Variants in DLG2 observed in about 807,000 individuals in gnomAD.
DLG2 encodes discs large MAGUK scaffold protein 2.
A neutral mutation model predicts 132.5 loss-of-function variants in DLG2; 45 were observed. The observed-to-expected ratio is 0.34, with a 90% CI of 0.27 to 0.44. The LOEUF (loss-of-function observed/expected upper bound fraction) is 0.44, where lower values mean the gene tolerates loss of function less well. DLG2 is among the 20% of genes least tolerant of loss of function. DLG2 has a pLI of 1.00. For missense variants in DLG2, 1,045 were observed against 1,196.9 expected (o/e 0.87, Z 1.87); for synonymous variants, 424 against 419.6 (o/e 1.01, Z -0.13).
At chr11:83,782,111 G>A (rs1044934613) in intron 18 of DLG2, among the ~76,000 whole-genome samples, 4 of 152,124 alleles carry the variant, frequency 2.6e-5, no homozygotes, top group African/African-American at 9.7e-5. Context: ...AAGGTTTTAT[G>A]ACTGAAAACC....
intron 6 of DLG2, among the ~76,000 whole-genome samples, chr11:84,797,506 G>A (rs1447208238): frequency 6.6e-6 from 1 of 152,112 alleles, no homozygotes; most frequent in African/African-American, 2.4e-5. Flanking sequence ...TTCTGCTGTT[G>A]AGATGCTGTG....
At position 85,045,857 on chromosome 11, in the gene DLG2, G is replaced by A. The variant is rs527780487; in HGVS notation, c.357+65804C>T. ...TTGGAAGAGAAGAATAACTTCTCTA[G>A]CGATGTCTGTTATTCTCTACAGGAT... On this transcript the variant is annotated intron_variant, in intron 6 of 27. Coordinates refer to ENST00000376104, the MANE Select transcript of DLG2 (RefSeq NM_001142699.3). Among the ~76,000 whole-genome samples the A allele has an allele frequency of 9.2e-5, 14 of 152,158 alleles. No individual in the cohort carries two copies. The East Asian group carries it at 2.7e-3, about 29-fold the overall frequency.
chr11:84,955,051 AT>A (rs1409752125), intron 6 of DLG2, among the ~76,000 whole-genome samples: 1 of 152,206 alleles, frequency 6.6e-6, no homozygotes, highest in Admixed American at 6.5e-5. Context: ...AATGATACAA[AT>A]TACTGTGTTT....
At chr11:84,982,313 A>G (rs939357469) in intron 6 of DLG2, among the ~76,000 whole-genome samples, 1 of 152,134 alleles carries the variant, frequency 6.6e-6, no homozygotes, top group Non-Finnish European at 1.5e-5. Flanking sequence ...CATGCCTAAT[A>G]CTAAACTCAT....
At chr11:83,668,867 A>ATT (rs10635194) in intron 18 of DLG2, among the ~76,000 whole-genome samples, 22,861 of 110,370 alleles carry the variant, frequency 0.21, 3,586 homozygotes, top group South Asian at 0.26. Flanking sequence ...ATATATATAT[A>ATT]TTTTTTTTTT....
At chr11:83,925,564 C>T (rs1032802335) in intron 15 of DLG2, among the ~76,000 whole-genome samples, 1 of 151,932 alleles carries the variant, frequency 6.6e-6, no homozygotes. Flanking sequence ...GAATCCCTAA[C>T]ATTAAGGATG....
intron 3 of DLG2, among the ~76,000 whole-genome samples, chr11:85,558,045 A>G (rs1243327502): frequency 6.6e-6 from 1 of 151,904 alleles, no homozygotes; most frequent in Non-Finnish European, 1.5e-5. Context: ...AGAAAATATT[A>G]GCAAACTATG....
chr11:85,447,274 G>C (rs1025622475), intron 3 of DLG2, among the ~76,000 whole-genome samples: 11 of 152,060 alleles, frequency 7.2e-5, no homozygotes, highest in African/African-American at 2.7e-4. Flanking sequence ...ATTTGTTATG[G>C]ACTGAATTGT....
intron 3 of DLG2, among the ~76,000 whole-genome samples, chr11:85,503,704 G>GGCTCCT: frequency 6.6e-6 from 1 of 152,038 alleles, no homozygotes; most frequent in Admixed American, 6.6e-5. Context: ...GCCTAAGGTG[G>GGCTCCT]GAGGACAGAT....
chr11:83,573,810 G>A lies in DLG2; in HGVS notation c.1941-31952C>T, dbSNP rs115261494. ...ACAGATAAGTTTGTCCCCCAATACA[G>A]GATAACTACATGTGGTTCAGTCCTG... On this transcript the variant is annotated intron_variant, in intron 19 of 27. Coordinates refer to ENST00000376104, the MANE Select transcript of DLG2 (RefSeq NM_001142699.3). Among the ~76,000 whole-genome samples the A allele has an allele frequency of 8.0e-3, 1,220 of 152,194 alleles. 24 individuals carry two copies. The highest frequency in any genetic ancestry group is 0.028 in the African/African-American group (1,152 of 41,530).
At chr11:85,426,878 A>C (rs1250838815) in intron 3 of DLG2, among the ~76,000 whole-genome samples, 3 of 151,980 alleles carry the variant, frequency 2.0e-5, no homozygotes, top group Non-Finnish European at 4.4e-5. Context: ...AAAAACCTTG[A>C]AAAAAAATTA....
chr11:84,024,648 T>C (rs1293908375), intron 11 of DLG2, among the ~76,000 whole-genome samples: 1 of 152,044 alleles, frequency 6.6e-6, no homozygotes, highest in Non-Finnish European at 1.5e-5. Flanking sequence ...GCAAAATAAG[T>C]CCAGCAAATA....
chr11:83,601,208 A>G (rs964363443), intron 19 of DLG2, among the ~76,000 whole-genome samples: 1 of 152,232 alleles, frequency 6.6e-6, no homozygotes, highest in Non-Finnish European at 1.5e-5. Context: ...CCTCATAATC[A>G]GGGGAAGTGG....
intron 6 of DLG2, among the ~76,000 whole-genome samples, chr11:84,669,629 C>T (rs1231216406): frequency 6.6e-6 from 1 of 152,228 alleles, no homozygotes; most frequent in South Asian, 2.1e-4. Flanking sequence ...TTCACCAAAC[C>T]CCTTTTTCCC....
chr11:83,852,242 G>A (rs531211266), intron 16 of DLG2, among the ~76,000 whole-genome samples: 50 of 152,316 alleles, frequency 3.3e-4, no homozygotes, highest in African/African-American at 1.1e-3. Context: ...GGCTACGTGA[G>A]CCAATGCACA....
intron 11 of DLG2, among the ~76,000 whole-genome samples, chr11:83,982,480 T>TAAAAAAA (rs58418988): frequency 8.8e-5 from 6 of 68,568 alleles, no homozygotes; most frequent in Middle Eastern, 0.013. Context: ...GTTTAACGTG[T>TAAAAAAA]AAAAAAAAAA....
chr11:85,371,534 T>G (rs1172057863), intron 3 of DLG2, among the ~76,000 whole-genome samples: 1 of 152,220 alleles, frequency 6.6e-6, no homozygotes, highest in African/African-American at 2.4e-5. Context: ...GAGAAAGTAG[T>G]TATTTTACCA....
intron 7 of DLG2, among the ~76,000 whole-genome samples, chr11:84,469,871 T>G (rs2099104253): frequency 6.6e-6 from 1 of 151,652 alleles, no homozygotes; most frequent in Admixed American, 6.6e-5. Flanking sequence ...AAGAAATGTG[T>G]GTTAGGTGAT....
chr11:83,758,180 T>C (rs1247001921), intron 18 of DLG2, among the ~76,000 whole-genome samples: 2 of 152,228 alleles, frequency 1.3e-5, no homozygotes, highest in Non-Finnish European at 2.9e-5. Context: ...CAACTCTGTG[T>C]GCCTCTGCTA....
Sources: allele counts gnomAD v4.1 joint callset (sites outside exome capture counted in the v4.1 genomes callset), GRCh38; gene constraint gnomAD v4.1.1; transcripts MANE v1.5; gene names NCBI Gene and HGNC (gene_info 2026-07-23, HGNC 2026-07-21).